CASQ2: variants seen among roughly 807,000 people sequenced by gnomAD.
CASQ2 encodes calsequestrin-2.
In CASQ2, 49 loss-of-function variants were observed where a neutral mutation model predicts 46.5. The ratio of observed to expected loss-of-function variants is 1.05; its 90% CI spans 0.84 to 1.34. CASQ2 has a LOEUF of 1.34. Ranked by LOEUF, CASQ2 falls within the 40% of genes most tolerant of loss-of-function variation. CASQ2 has a pLI of 0.00. For missense variants in CASQ2, 486 were observed against 481.3 expected, an observed-to-expected ratio of 1.01 and a Z score of -0.09; for synonymous variants, 174 against 168.5, an observed-to-expected ratio of 1.03 and a Z score of -0.25.
At chr1:115,713,544 G>A (rs1270848766) in intron 8 of CASQ2, among the ~76,000 whole-genome samples, 1 of 152,192 alleles carries the variant, frequency 6.6e-6, no homozygotes, top group Non-Finnish European at 1.5e-5. Flanking sequence ...TGAGGATCAT[G>A]TCAGAACTGC....
chr1:115,701,052 G>C lies in CASQ2; in HGVS notation c.*189C>G. On this transcript the variant is annotated 3_prime_UTR_variant, in exon 11 of 11. Coordinates refer to ENST00000261448, the MANE Select transcript of CASQ2 (RefSeq NM_001232.4). ...TTTTTCTCCTGTCCCTGCTAAGTGG[G>C]ATTGCTGCATTTGAAAAGGCATTTG... The C allele has an allele frequency of 1.2e-6, 1 of 800,354 alleles. No individual in the cohort carries two copies. The highest frequency in any genetic ancestry group is 1.5e-5 in the South Asian group (1 of 66,480). The allele number at this position is 800,354 out of a possible 1,614,324, so 49.6% of individuals were successfully genotyped here.
chr1:115,750,835 A>G (rs867239706), intron 1 of CASQ2, among the ~76,000 whole-genome samples: 12 of 152,238 alleles, frequency 7.9e-5, no homozygotes, highest in Non-Finnish European at 1.6e-4. Context: ...AATATGCATA[A>G]TTCAATAGGA....
chr1:115,766,502 G>T (rs373446766), intron 1 of CASQ2, among the ~76,000 whole-genome samples: 1 of 152,186 alleles, frequency 6.6e-6, no homozygotes, highest in South Asian at 2.1e-4. Context: ...TTCTTAAGCT[G>T]CATGATAGTT....
At chr1:115,733,575 T>G (rs1012227887) in intron 4 of CASQ2, among the ~76,000 whole-genome samples, 1 of 152,200 alleles carries the variant, frequency 6.6e-6, no homozygotes, top group African/African-American at 2.4e-5. Context: ...TGATTGACTA[T>G]GGTCTCAAAC....
At chr1:115,738,378 T>C in intron 3 of CASQ2, 43 bp from the exon 4 acceptor site, 1 of 1,252,518 alleles carries the variant, frequency 8.0e-7, no homozygotes, top group Non-Finnish European at 1.2e-6. Flanking sequence ...AAACAAGAGA[T>C]TTCCTTCTTC....
At chr1:115,728,136 C>T (rs890301720) in intron 5 of CASQ2, among the ~76,000 whole-genome samples, 4 of 152,104 alleles carry the variant, frequency 2.6e-5, no homozygotes, top group African/African-American at 4.8e-5. Context: ...GGTGGTAACC[C>T]GTGGTGCCGT....
intron 1 of CASQ2, among the ~76,000 whole-genome samples, chr1:115,765,845 C>G (rs1649117470): frequency 6.6e-6 from 1 of 152,212 alleles, no homozygotes; most frequent in African/African-American, 2.4e-5. Flanking sequence ...CCCCTACCCC[C>G]TAACAGCCAC....
intron 9 of CASQ2, among the ~76,000 whole-genome samples, chr1:115,703,239 G>A (rs1412099302): frequency 1.3e-5 from 2 of 152,226 alleles, no homozygotes; most frequent in Admixed American, 1.3e-4. Context: ...GAAAATTATA[G>A]AGGTGGTCTA....
chr1:115,749,401 C>T (rs760825198), intron 1 of CASQ2, among the ~76,000 whole-genome samples: 1 of 152,114 alleles, frequency 6.6e-6, no homozygotes, highest in Non-Finnish European at 1.5e-5. Context: ...CAAATGAACT[C>T]GATTCTTTTT....
At chr1:115,726,767 G>C (rs945162985) in intron 6 of CASQ2, among the ~76,000 whole-genome samples, 1 of 152,204 alleles carries the variant, frequency 6.6e-6, no homozygotes, top group African/African-American at 2.4e-5. Context: ...GGGATTTGCT[G>C]ACTGAGGGAT....
At position 115,744,879 on chromosome 1, in the gene CASQ2, C is replaced by CTA. The variant is rs1557799970; in HGVS notation, c.266_267dup (p.Gly90Ter). The CTA allele has an allele frequency of 1.2e-6, 2 of 1,613,672 alleles. No homozygotes were observed. Among genetic ancestry groups the CTA allele is most frequent in the South Asian group, 2.2e-5 (2 of 91,030 alleles). ...TTCTTGGCATCCACCATCACAAAGC[C>CTA]TATAGCTTTATGTTCAAGGACCTGG... On this transcript the variant is annotated frameshift_variant, in exon 2 of 11. Coordinates refer to ENST00000261448, the MANE Select transcript of CASQ2 (RefSeq NM_001232.4). LOFTEE classifies it high-confidence loss of function.
Position 115,717,700 on chromosome 1 carries a change from A to C in CASQ2, c.838+140T>G. On this transcript the variant is annotated intron_variant, in intron 8 of 10. Transcript: ENST00000261448. ...ACAATTGAAAACGAACTCATACTTA[A>C]TGGGCGACCACCAGGGGGTGCCCAA... The C allele has an allele frequency of 3.9e-6, 3 of 764,966 alleles. No homozygotes were observed. In the South Asian group the frequency reaches 4.1e-5, roughly 10 times the overall value. 47.4% of individuals were successfully genotyped at this position (764,966 alleles called of 1,614,324 possible). A position where few individuals can be genotyped will look rare whatever the true frequency, so the allele number is the denominator to read the frequency against.
intron 8 of CASQ2, among the ~76,000 whole-genome samples, chr1:115,714,059 G>T (rs2101065183): frequency 2.0e-5 from 3 of 152,328 alleles, no homozygotes; most frequent in Admixed American, 2.0e-4. Context: ...TTGCTAACCT[G>T]ACGACTTCAT....
chr1:115,710,106 A>G (rs1230841060), intron 8 of CASQ2, among the ~76,000 whole-genome samples: 1 of 152,178 alleles, frequency 6.6e-6, no homozygotes, highest in Non-Finnish European at 1.5e-5. Flanking sequence ...AGCCTCCCAG[A>G]GTACTGGGAT....
chr1:115,748,793 T>A (rs1648475602), intron 1 of CASQ2, among the ~76,000 whole-genome samples: 1 of 152,186 alleles, frequency 6.6e-6, no homozygotes, highest in Non-Finnish European at 1.5e-5. Context: ...TTCCCTTGTA[T>A]ATCACTCAGA....
At chr1:115,740,902 G>T in intron 2 of CASQ2, 74 bp from the exon 3 acceptor site, 2 of 1,042,750 alleles carry the variant, frequency 1.9e-6, no homozygotes, top group Non-Finnish European at 3.0e-6. Flanking sequence ...CTGAGGTCTG[G>T]CTGAGGGTTT....
intron 1 of CASQ2, among the ~76,000 whole-genome samples, chr1:115,765,083 T>C (rs188684440): frequency 6.6e-6 from 1 of 152,350 alleles, no homozygotes; most frequent in East Asian, 1.9e-4. Flanking sequence ...AAACCAACTC[T>C]GGCCCTTCCT....
rs772619751 is a variant in CASQ2, at chr1:115,701,291, T to C, written c.1150A>G (p.Asn384Asp). Reference sequence around the variant, plus strand: ...TCATCATTATCCTCTTCATCAGAATTATCATCATCATCATCATCTTCATCA... The same window carrying C: ...TCATCATTATCCTCTTCATCAGAATCATCATCATCATCATCATCTTCATCA... ...DDDEDDDDDD[N>D]SDEEDNDDSD... Residue 384 changes from asparagine to aspartate, a missense_variant, in exon 11 of 11, where the codon AAT (asparagine) becomes GAT (aspartate). Asn to Asp is a conservative substitution (Grantham distance 23, BLOSUM62 1). Coordinates refer to ENST00000261448, the MANE Select transcript of CASQ2 (RefSeq NM_001232.4). 3.8e-6 allele frequency: 6 copies of C among 1,594,252 alleles called. No individual in the cohort carries two copies. The Admixed American group carries it at 5.0e-5, about 13-fold the overall frequency.
intron 1 of CASQ2, among the ~76,000 whole-genome samples, chr1:115,762,659 C>T (rs762667522): frequency 6.6e-6 from 1 of 152,170 alleles, no homozygotes; most frequent in Admixed American, 6.5e-5. Context: ...CTTCTATAGA[C>T]GATTTAAGTG....
Sources: gnomAD v4.1 joint callset for allele counts (sites outside exome capture counted in the v4.1 genomes callset) on GRCh38, gnomAD v4.1.1 for gene constraint, MANE v1.5 for transcripts, NCBI Gene and HGNC (gene_info 2026-07-23, HGNC 2026-07-21) for gene names.